Variants in CYP2F1 observed in about 807,000 individuals in gnomAD.
CYP2F1 encodes cytochrome P450 family 2 subfamily F member 1.
A neutral mutation model predicts 40.4 loss-of-function variants in CYP2F1; 33 were observed. That is an observed-to-expected ratio of 0.82 (90% confidence interval 0.62 to 1.09). The LOEUF (loss-of-function observed/expected upper bound fraction) is 1.09. CYP2F1 is among the 50% of genes least tolerant of loss of function. CYP2F1 has a pLI of 0.00. For missense variants in CYP2F1, 566 were observed against 655.7 expected (o/e 0.86, Z 1.49); for synonymous variants, 235 against 277.2 (o/e 0.85, Z 1.51).
Position 41,116,231 on chromosome 19 carries a change from C to G in CYP2F1, c.43C>G (p.Leu15Val). ...STAILLLLLA[L>V]VCLLLTLSSR... ...AGCCATCTTACTCCTGCTCCTGGCT[C>G]TCGTCTGTCTGCTCCTGACCCTAAG... The change falls in exon 2 of 10, where the codon CTC (leucine) becomes GTC (valine). Residue 15 changes from leucine (L) to valine (V), a missense_variant. This residue lies in a region of CYP2F1 where 264 missense variants were observed against 275.7 expected (regional missense o/e 0.96). Coordinates refer to ENST00000331105, the MANE Select transcript of CYP2F1 (RefSeq NM_000774.5). 1 of 1,614,076 alleles carries G rather than the reference C, an allele frequency of 6.2e-7. No individual in the cohort carries two copies. Among genetic ancestry groups the G allele is most frequent in the Non-Finnish European group, 8.5e-7 (1 of 1,179,986 alleles).
In CYP2F1 at chr19:41,116,675, G is replaced by A. The variant is rs1033543850; in HGVS notation, c.334+58G>A. On this transcript the variant is annotated intron_variant, in intron 3 of 9. Coordinates refer to ENST00000331105, the MANE Select transcript of CYP2F1 (RefSeq NM_000774.5). Reference sequence around the variant, plus strand: ...CCTTTTCCATATTGAGGGAGGGGGTGAGGGTGAGAGACTGTTGTCTCAATC... The same window carrying A: ...CCTTTTCCATATTGAGGGAGGGGGTAAGGGTGAGAGACTGTTGTCTCAATC... 21 of 1,565,278 alleles carry A rather than the reference G, an allele frequency of 1.3e-5. No individual in the cohort carries two copies. In the Admixed American group the frequency reaches 1.9e-4, roughly 14 times the overall value.
rs182353952 is a variant in CYP2F1, at chr19:41,124,724, G to C, written c.970G>C (p.Val324Leu). The C allele has an allele frequency of 3.0e-4, 476 of 1,601,386 alleles. 4 individuals are homozygous for C. The East Asian group carries it at 8.0e-3, about 27-fold the overall frequency. The change falls in exon 8 of 10, where the codon GTG becomes CTG. Residue 324 changes from valine to leucine, a missense_variant. Coordinates refer to ENST00000331105, the MANE Select transcript of CYP2F1 (RefSeq NM_000774.5). ...LMKYPKVQAR[V>L]QEEIDLVVGR... ...GCTTCCCGCTTCCTCTCCAGCCCGC[G>C]TGCAGGAGGAGATCGACCTCGTGGT...
chr19:41,116,062 G>T, intron 1 of CYP2F1, 116 bp from the exon 2 acceptor site: 2 of 972,068 alleles, frequency 2.1e-6, no homozygotes, highest in South Asian at 1.8e-5. Flanking sequence ...GCCTCTCCCT[G>T]TCTCCTTCTC....
At chr19:41,124,245 T>TCCCCCC (rs1555720775) in intron 7 of CYP2F1, among the ~76,000 whole-genome samples, 2 of 29,824 alleles carry the variant, frequency 6.7e-5, no homozygotes, top group African/African-American at 1.7e-4. Flanking sequence ...TTTTTCCTCT[T>TCCCCCC]CCCCCCCCCC....
chr19:41,117,607 A>G (rs573395353), intron 3 of CYP2F1, among the ~76,000 whole-genome samples: 2 of 152,142 alleles, frequency 1.3e-5, no homozygotes, highest in East Asian at 3.9e-4. Context: ...CCAATCTATC[A>G]ATCCTCCTCA....
intron 6 of CYP2F1, among the ~76,000 whole-genome samples, chr19:41,122,612 CAA>C (rs2032292833): frequency 1.3e-5 from 2 of 151,922 alleles, no homozygotes; most frequent in African/African-American, 4.8e-5. Flanking sequence ...TTTAAAAAAA[CAA>C]GAAGTCATTC....
In CYP2F1 at chr19:41,116,627, G is replaced by A. The variant is rs111817081; in HGVS notation, c.334+10G>A. 2.9e-5 allele frequency: 47 copies of A among 1,613,326 alleles called. No individual in the cohort carries two copies. The highest frequency in any genetic ancestry group is 8.0e-5 in the African/African-American group (6 of 74,968). ...TTTACCAAGGGCAATGGTAAGCCTC[G>A]TCCTTGTCTCCTCCGCTCTCGGCCT... On this transcript the variant is annotated intron_variant, in intron 3 of 9. Transcript: ENST00000331105.
At chr19:41,118,924 G>A (rs1424377303) in intron 3 of CYP2F1, among the ~76,000 whole-genome samples, 1 of 152,146 alleles carries the variant, frequency 6.6e-6, no homozygotes, top group Non-Finnish European at 1.5e-5. Flanking sequence ...AGGAACCAGA[G>A]ATAAACACAT....
In CYP2F1 at chr19:41,124,860, A is replaced by G. The variant is rs202164777; in HGVS notation, c.1106A>G (p.His369Arg). 3 of 1,610,932 alleles carry G rather than the reference A, an allele frequency of 1.9e-6. No individual in the cohort carries two copies. Among genetic ancestry groups the G allele is most frequent in the Non-Finnish European group, 2.5e-6 (3 of 1,179,722 alleles). Residue 369 changes from histidine to arginine, a missense_variant, in exon 8 of 10, where the codon CAC becomes CGC. Coordinates refer to ENST00000331105, the MANE Select transcript of CYP2F1 (RefSeq NM_000774.5). ...FADIIPMNLP[H>R]RVTRDTAFRG... ...GACATCATCCCCATGAACTTGCCGCACCGCGTCACTAGGGACACGGCCTTT... is the reference window on the plus strand; with the variant it reads ...GACATCATCCCCATGAACTTGCCGCGCCGCGTCACTAGGGACACGGCCTTT...
intron 3 of CYP2F1, among the ~76,000 whole-genome samples, chr19:41,119,748 T>TATATATATATATACACACAC (rs1337166345): frequency 1.7e-4 from 6 of 36,102 alleles, no homozygotes; most frequent in Non-Finnish European, 1.9e-4. Context: ...TATATATATA[T>TATATATATATATACACACAC]ACACACACAC....
intron 7 of CYP2F1, among the ~76,000 whole-genome samples, chr19:41,124,250 C>A (rs1341304759): frequency 3.9e-5 from 4 of 102,682 alleles, no homozygotes; most frequent in Admixed American, 9.9e-5. Flanking sequence ...CCTCTTCCCC[C>A]CCCCCTTTTT....
chr19:41,119,367 C>G (rs2032002219), intron 3 of CYP2F1, among the ~76,000 whole-genome samples: 1 of 151,924 alleles, frequency 6.6e-6, no homozygotes, highest in Non-Finnish European at 1.5e-5. Flanking sequence ...AATCCCAGCA[C>G]TTTGGGAGGC....
intron 3 of CYP2F1, among the ~76,000 whole-genome samples, chr19:41,119,118 G>A (rs1313414964): frequency 6.6e-6 from 1 of 152,060 alleles, no homozygotes; most frequent in South Asian, 2.1e-4. Context: ...CCTGGAAGAG[G>A]GGACCTCTAA....
chr19:41,120,684 G>A (rs1344713332), intron 4 of CYP2F1, among the ~76,000 whole-genome samples, 188 bp downstream of exon 4: 1 of 152,042 alleles, frequency 6.6e-6, no homozygotes, highest in Non-Finnish European at 1.5e-5. Context: ...GTCTCACTAT[G>A]TTGCCCAGGC....
At chr19:41,122,547 T>TCATACATACATACACA (rs1555720371) in intron 6 of CYP2F1, among the ~76,000 whole-genome samples, 19 of 151,214 alleles carry the variant, frequency 1.3e-4, no homozygotes, top group South Asian at 4.2e-4. Context: ...CATACATACA[T>TCATACATACATACACA]CATACATACA....
At chr19:41,123,912 C>G (rs2032378008) in intron 7 of CYP2F1, among the ~76,000 whole-genome samples, 1 of 152,084 alleles carries the variant, frequency 6.6e-6, no homozygotes, top group South Asian at 2.1e-4. Flanking sequence ...GAGCCCCAGC[C>G]ATGTGCCTGC....
At position 41,125,603 on chromosome 19, in the gene CYP2F1, G is replaced by A; in HGVS notation, c.1263G>A (p.Lys421=). ...TTTTGGATGCCAATCAGTCCTTCAAGAAGAGTCCAGCCTTCATGCCCTTCT... is the reference window on the plus strand; with the variant it reads ...TTTTGGATGCCAATCAGTCCTTCAAAAAGAGTCCAGCCTTCATGCCCTTCT... ...EHFLDANQSF[K]KSPAFMPFSA... is the part of the protein sequence containing the mutation. Residue 421 remains lysine, a synonymous_variant, in exon 9 of 10, where the codon AAG becomes AAA. Transcript: ENST00000331105. The A allele has an allele frequency of 6.2e-7, 1 of 1,612,432 alleles. No homozygotes were observed. The highest frequency in any genetic ancestry group is 8.5e-7 in the Non-Finnish European group (1 of 1,179,296).
In CYP2F1 at chr19:41,124,911, G is replaced by A. The variant is rs372302293; in HGVS notation, c.1152+5G>A. On this transcript the variant is annotated splice_donor_5th_base_variant and intron_variant, in intron 8 of 9. Coordinates refer to ENST00000331105, the MANE Select transcript of CYP2F1 (RefSeq NM_000774.5). ...CGCGGCTTCCTGATACCCAAGGTGC[G>A]CTAGGCCTGGCAAACGACATCAGGC... 147 of 1,593,284 alleles carry A rather than the reference G, an allele frequency of 9.2e-5. 1 individual carries two copies. Among genetic ancestry groups the A allele is most frequent in the Non-Finnish European group, 1.1e-4 (126 of 1,171,186 alleles).
intron 1 of CYP2F1, 47 bp from the exon 2 acceptor site, chr19:41,116,131 A>C: frequency 2.1e-6 from 3 of 1,418,502 alleles, no homozygotes; most frequent in South Asian, 1.3e-5. Context: ...GATGGAAAGG[A>C]GGGATCAGCG....
Sources: gnomAD v4.1 joint callset for allele counts (sites outside exome capture counted in the v4.1 genomes callset) on GRCh38, gnomAD v4.1.1 for gene constraint, gnomAD v4.1.1 regional missense constraint, MANE v1.5 for transcripts, NCBI Gene and HGNC (gene_info 2026-07-23, HGNC 2026-07-21) for gene names.